The following FAM204A variants were observed in gnomAD, a reference collection of about 807,000 sequenced individuals.
FAM204A encodes protein FAM204A.
A neutral mutation model predicts 35.4 loss-of-function variants in FAM204A; 16 were observed. The ratio of observed to expected loss-of-function variants is 0.45; its 90% CI spans 0.31 to 0.69. The LOEUF (loss-of-function observed/expected upper bound fraction) is 0.69. Among genes scored for constraint, FAM204A ranks in the 30% least tolerant of loss-of-function variants. The pLI is 0.07. For synonymous variants in FAM204A, 76 were observed against 86.9 expected, an observed-to-expected ratio of 0.88 and a Z score of 0.70; for missense variants, 240 against 265.7, an observed-to-expected ratio of 0.90 and a Z score of 0.67.
intron 7 of FAM204A, among the ~76,000 whole-genome samples, chr10:118,312,989 T>C (rs853909): frequency 0.021 from 3,167 of 152,134 alleles, 37 homozygotes; most frequent in South Asian, 0.071. Flanking sequence ...TTCTTTATTG[T>C]AGAAAAGTTC....
At position 118,305,173 on chromosome 10, in the gene FAM204A, A is replaced by G. The variant is rs1478407205; in HGVS notation, c.*5684T>C. On this transcript the variant is annotated 3_prime_UTR_variant, in exon 9 of 9. Transcript: ENST00000369183. ...GTCTCTGAATGACAGCCCGGAACAG[A>G]GCCCTCGTTGATAGCAAGCAACATT... is the stretch of plus-strand genomic sequence containing the variant. 6.6e-6 allele frequency: 1 copy of G among 152,202 alleles called. No homozygotes were observed. The allele number at this position is 152,202 out of a possible 1,614,324, so 9.4% of individuals were successfully genotyped here.
Position 118,342,250 on chromosome 10 carries a change from C to A in FAM204A, c.-210+20G>T, listed in dbSNP as rs1364398448. 1 of 152,228 alleles carries A rather than the reference C, an allele frequency of 6.6e-6. No individual in the cohort carries two copies. The highest frequency in any genetic ancestry group is 1.5e-5 in the Non-Finnish European group (1 of 68,096). The allele number at this position is 152,228 out of a possible 1,614,324, so 9.4% of individuals were successfully genotyped here. Reference sequence around the variant, plus strand: ...GAGCCCGAACCGGCGGGTAACCAACCCTCCATAAGCCGTACTCACCTGTCA... The same window carrying A: ...GAGCCCGAACCGGCGGGTAACCAACACTCCATAAGCCGTACTCACCTGTCA... On this transcript the variant is annotated intron_variant, in intron 1 of 8. Coordinates refer to ENST00000369183, the MANE Select transcript of FAM204A (RefSeq NM_022063.3).
intron 2 of FAM204A, among the ~76,000 whole-genome samples, chr10:118,340,423 G>T (rs1589733148): frequency 6.6e-6 from 1 of 151,904 alleles, no homozygotes; most frequent in Admixed American, 6.5e-5. Context: ...ATAAAGGTTT[G>T]ATCAAATGAT....
At chr10:118,329,723 G>A (rs761045336) in intron 6 of FAM204A, among the ~76,000 whole-genome samples, 10 of 152,058 alleles carry the variant, frequency 6.6e-5, no homozygotes, top group Admixed American at 6.5e-5. Context: ...GTGTGTCACC[G>A]GCTTGGTGTG....
In FAM204A at chr10:118,335,991, T is replaced by C. The variant is rs1589730841; in HGVS notation, c.234+191A>G. 8.0e-6 allele frequency: 5 copies of C among 625,944 alleles called. No homozygotes were observed. In the East Asian group the frequency reaches 1.5e-4, roughly 19 times the overall value. The allele number at this position is 625,944 out of a possible 1,614,324, so 38.8% of individuals were successfully genotyped here. A position where few individuals can be genotyped will look rare whatever the true frequency, so the allele number is the denominator to read the frequency against. On this transcript the variant is annotated intron_variant, in intron 3 of 8. Transcript: ENST00000369183. ...TTTTTTTTTTCCCCCTCCGTCTTTCTATGAAAAACAAAACAAAATAAACGC... is the reference window on the plus strand; with the variant it reads ...TTTTTTTTTTCCCCCTCCGTCTTTCCATGAAAAACAAAACAAAATAAACGC...
At position 118,335,254 on chromosome 10, in the gene FAM204A, T is replaced by A. The variant is rs1053744104; in HGVS notation, c.354-41A>T. 1.9e-6 allele frequency: 3 copies of A among 1,575,424 alleles called. No homozygotes were observed. The East Asian group carries it at 6.7e-5, about 35-fold the overall frequency. On this transcript the variant is annotated intron_variant, in intron 5 of 8. Transcript: ENST00000369183. ...AAGTTTTGTTTTATACAATATATAC[T>A]GTCTTTACTTTTACTGTTTTTAATC...
At chr10:118,321,325 T>C (rs1473787704) in intron 7 of FAM204A, among the ~76,000 whole-genome samples, 2 of 152,066 alleles carry the variant, frequency 1.3e-5, no homozygotes, top group East Asian at 3.9e-4. Flanking sequence ...ACCAAACTAT[T>C]CATTCAAAAA....
rs961090431 is a variant in FAM204A, at chr10:118,304,643, G to C, written c.*6214C>G. On this transcript the variant is annotated 3_prime_UTR_variant, in exon 9 of 9. Coordinates refer to ENST00000369183, the MANE Select transcript of FAM204A (RefSeq NM_022063.3). ...GCACTCGCTTCTACTCGCCTACCTG[G>C]TAAAGTCCCAACAGCCCTTTATGGC... 4 of 152,202 alleles carry C rather than the reference G, an allele frequency of 2.6e-5. No individual in the cohort carries two copies. The highest frequency in any genetic ancestry group is 2.6e-4 in the Admixed American group (4 of 15,272). 9.4% of individuals were successfully genotyped at this position (152,202 alleles called of 1,614,324 possible). A position where few individuals can be genotyped will look rare whatever the true frequency, so the allele number is the denominator to read the frequency against.
intron 7 of FAM204A, among the ~76,000 whole-genome samples, chr10:118,316,014 T>C (rs1241828634): frequency 6.6e-6 from 1 of 152,150 alleles, no homozygotes. Flanking sequence ...TCATTTACTT[T>C]TTATCCAATT....
In FAM204A at chr10:118,310,761, G is replaced by C. The variant is rs1845940007; in HGVS notation, c.*96C>G. The C allele has an allele frequency of 9.7e-7, 1 of 1,025,962 alleles. No homozygotes were observed. The highest frequency in any genetic ancestry group is 2.5e-5 in the Admixed American group (1 of 40,652). The allele number at this position is 1,025,962 out of a possible 1,614,324, so 63.6% of individuals were successfully genotyped here. On this transcript the variant is annotated 3_prime_UTR_variant, in exon 9 of 9. Transcript: ENST00000369183. ...AAATTTTATGCTTATTTTTGTTTTA[G>C]TGCTATCAATTTTCTGACATATTAA...
At position 118,298,045 on chromosome 10, in the gene FAM204A, T is replaced by A. The variant is rs1845767819; in HGVS notation, c.*12812A>T. On this transcript the variant is annotated 3_prime_UTR_variant, in exon 9 of 9. Coordinates refer to ENST00000369183, the MANE Select transcript of FAM204A (RefSeq NM_022063.3). The stretch of plus-strand genomic sequence containing the variant: ...AATTACCCAAGATCAGACTAGTGAG[T>A]AGAACCAGTATAGAAACCTAGTTAT... 6.6e-6 allele frequency: 1 copy of A among 152,176 alleles called. No individual in the cohort carries two copies. The highest frequency in any genetic ancestry group is 1.5e-5 in the Non-Finnish European group (1 of 68,050). The allele number at this position is 152,176 out of a possible 1,614,324, so 9.4% of individuals were successfully genotyped here.
intron 7 of FAM204A, among the ~76,000 whole-genome samples, chr10:118,315,269 TAA>T (rs1023405100): frequency 6.6e-6 from 1 of 152,150 alleles, no homozygotes; most frequent in African/African-American, 2.4e-5. Flanking sequence ...AACTTCAAAA[TAA>T]AGTTAGTTTT....
In FAM204A at chr10:118,300,013, A is replaced by T. The variant is rs1486254886; in HGVS notation, c.*10844T>A. The T allele has an allele frequency of 1.1e-4, 16 of 152,182 alleles. No individual in the cohort carries two copies. Among genetic ancestry groups the T allele is most frequent in the Admixed American group, 1.0e-3 (16 of 15,280 alleles). The allele number at this position is 152,182 out of a possible 1,614,324, so 9.4% of individuals were successfully genotyped here. ...TTGATTATAGAGGAACAAAGTAGCA[A>T]CTGTATTGAGGACCGTCCATGACAG... On this transcript the variant is annotated 3_prime_UTR_variant, in exon 9 of 9. Transcript: ENST00000369183.
In FAM204A at chr10:118,310,079, T is replaced by C. The variant is rs1308149015; in HGVS notation, c.*778A>G. 2 of 152,126 alleles carry C rather than the reference T, an allele frequency of 1.3e-5. No homozygotes were observed. Among genetic ancestry groups the C allele is most frequent in the African/African-American group, 4.8e-5 (2 of 41,434 alleles). The allele number at this position is 152,126 out of a possible 1,614,324, so 9.4% of individuals were successfully genotyped here. On this transcript the variant is annotated 3_prime_UTR_variant, in exon 9 of 9. Coordinates refer to ENST00000369183, the MANE Select transcript of FAM204A (RefSeq NM_022063.3). ...AAGGTCAAGTCATTTGTAAAGATAA[T>C]ATCAACTGAGACTTTTTGGTACTTA...
At chr10:118,319,067 A>G (rs1016271107) in intron 7 of FAM204A, among the ~76,000 whole-genome samples, 1 of 151,992 alleles carries the variant, frequency 6.6e-6, no homozygotes, top group African/African-American at 2.4e-5. Context: ...CCAAAAGCTA[A>G]CAATAAACTG....
Position 118,326,208 on chromosome 10 carries a change from C to T in FAM204A, c.489G>A (p.Glu163=), listed in dbSNP as rs1229418652. Residue 163 remains glutamate, a synonymous_variant, in exon 7 of 9, where the codon GAG becomes GAA. Transcript: ENST00000369183. ...CCTCAGCCTTCTCAATATTCCACTC[C>T]TCCACAGCCTGGTCTATCCTCTTTT... ...GLEKRIDQAV[E]EWNIEKAEEL... 3.1e-6 allele frequency: 5 copies of T among 1,613,858 alleles called. No homozygotes were observed. In the Admixed American group the frequency reaches 8.3e-5, roughly 27 times the overall value.
In FAM204A at chr10:118,332,357, T is replaced by C. The variant is rs560043139; in HGVS notation, c.453+2757A>G. Among the ~76,000 whole-genome samples the C allele has an allele frequency of 4.6e-5, 7 of 151,836 alleles. No individual in the cohort carries two copies. The East Asian group carries it at 1.4e-3, about 29-fold the overall frequency. On this transcript the variant is annotated intron_variant, in intron 6 of 8. Coordinates refer to ENST00000369183, the MANE Select transcript of FAM204A (RefSeq NM_022063.3). Reference sequence around the variant, plus strand: ...TATTCTGAGAATAACACTGGACCTATCAACCTACCCCACGGAAATCACACA... The same window carrying C: ...TATTCTGAGAATAACACTGGACCTACCAACCTACCCCACGGAAATCACACA...
rs1589716252 is a variant in FAM204A, at chr10:118,307,488, A to G, written c.*3369T>C. 1 of 152,220 alleles carries G rather than the reference A, an allele frequency of 6.6e-6. No individual in the cohort carries two copies. The highest frequency in any genetic ancestry group is 1.5e-5 in the Non-Finnish European group (1 of 68,036). The allele number at this position is 152,220 out of a possible 1,614,324, so 9.4% of individuals were successfully genotyped here. A position where few individuals can be genotyped will look rare whatever the true frequency, so the allele number is the denominator to read the frequency against. On this transcript the variant is annotated 3_prime_UTR_variant, in exon 9 of 9. Coordinates refer to ENST00000369183, the MANE Select transcript of FAM204A (RefSeq NM_022063.3). ...TTGGATTCAGTTGGTTCTGGATTAG[A>G]CTAGGTTTCACTAACTTCAAAATGA...
chr10:118,335,974 TTC>T, intron 3 of FAM204A: 1 of 583,952 alleles, frequency 1.7e-6, no homozygotes, highest in Non-Finnish European at 2.8e-6. Context: ...TTTTTTTTTT[TTC>T]CCCCTCCGTC....
Sources: gnomAD v4.1 joint callset for allele counts (sites outside exome capture counted in the v4.1 genomes callset) on GRCh38, gnomAD v4.1.1 for gene constraint, MANE v1.5 for transcripts, NCBI Gene and HGNC (gene_info 2026-07-23, HGNC 2026-07-21) for gene names.